Variants in POLB observed in about 807,000 individuals in gnomAD.
The protein encoded by POLB is DNA polymerase beta.
POLB carries 37 observed loss-of-function variants against 52.7 expected under a neutral mutation model. That is an observed-to-expected ratio of 0.70 (90% CI 0.54 to 0.92). The LOEUF (loss-of-function observed/expected upper bound fraction) is 0.92. Among genes scored for constraint, POLB ranks in the 40% least tolerant of loss-of-function variants. The pLI is 0.00. For synonymous variants in POLB, 138 were observed against 131.3 expected, an observed-to-expected ratio of 1.05 and a Z score of -0.35; for missense variants, 313 against 400.8, an observed-to-expected ratio of 0.78 and a Z score of 1.87.
chr8:42,365,289 T>C lies in POLB; in HGVS notation c.708+2591T>C, dbSNP rs146166060. ...AGATAAAAGTAAAGGTTCTAGTCAG[T>C]CTTGGAAATTAAATCTCTGATTTGT... On this transcript the variant is annotated intron_variant, in intron 11 of 13. Coordinates refer to ENST00000265421, the MANE Select transcript of POLB (RefSeq NM_002690.3). Among the ~76,000 whole-genome samples, 55 of 152,266 alleles carry C rather than the reference T, an allele frequency of 3.6e-4. 1 individual carries two copies. The highest frequency in any genetic ancestry group is 1.2e-3 in the African/African-American group (48 of 41,546).
chr8:42,360,611 C>T (rs1244867073), intron 9 of POLB, among the ~76,000 whole-genome samples: 1 of 152,116 alleles, frequency 6.6e-6, no homozygotes, highest in Admixed American at 6.5e-5. Context: ...AATTCCATCT[C>T]AGTGGAGACA....
At chr8:42,351,864 C>T (rs1585886969) in intron 5 of POLB, among the ~76,000 whole-genome samples, 1 of 152,310 alleles carries the variant, frequency 6.6e-6, no homozygotes, top group Middle Eastern at 3.4e-3. Context: ...TGTTCCATAG[C>T]ACCTCATACC....
rs927897032 is a variant in POLB, at chr8:42,338,517, G to A, written c.-108G>A. Reference sequence around the variant, plus strand: ...CCATTGTTCCGCCGGTCGCGCCGGAGCTGGGTTGCTCCTGCTCCCGTCTCC... The same window carrying A: ...CCATTGTTCCGCCGGTCGCGCCGGAACTGGGTTGCTCCTGCTCCCGTCTCC... On this transcript the variant is annotated 5_prime_UTR_variant, in exon 1 of 14. Coordinates refer to ENST00000265421, the MANE Select transcript of POLB (RefSeq NM_002690.3). 4 of 959,350 alleles carry A rather than the reference G, an allele frequency of 4.2e-6. No individual in the cohort carries two copies. Among genetic ancestry groups the A allele is most frequent in the East Asian group, 4.9e-5 (2 of 40,536 alleles). The allele number at this position is 959,350 out of a possible 1,614,324, so 59.4% of individuals were successfully genotyped here. A position where few individuals can be genotyped will look rare whatever the true frequency, so the allele number is the denominator to read the frequency against.
In POLB at chr8:42,369,371, T is replaced by C. The variant is rs2307157; in HGVS notation, c.773+36T>C. The C allele has an allele frequency of 2.6e-4, 329 of 1,268,820 alleles. No individual in the cohort carries two copies. The African/African-American group carries it at 4.2e-3, about 16-fold the overall frequency. 78.6% of individuals were successfully genotyped at this position (1,268,820 alleles called of 1,614,324 possible). On this transcript the variant is annotated intron_variant, in intron 12 of 13. Coordinates refer to ENST00000265421, the MANE Select transcript of POLB (RefSeq NM_002690.3). ...GACTTTGTTGCTGACCTGTTAACTTTTCCAAACTTGTCTCGTTTTCTCCCT... is the reference window on the plus strand; with the variant it reads ...GACTTTGTTGCTGACCTGTTAACTTCTCCAAACTTGTCTCGTTTTCTCCCT...
chr8:42,348,459 T>C (rs773900736), intron 3 of POLB, among the ~76,000 whole-genome samples: 4 of 152,150 alleles, frequency 2.6e-5, no homozygotes, highest in Non-Finnish European at 5.9e-5. Context: ...GAATGTGCAG[T>C]TCCAGAGCAG....
chr8:42,345,773 G>A (rs889417500), intron 3 of POLB, among the ~76,000 whole-genome samples: 2 of 152,150 alleles, frequency 1.3e-5, no homozygotes, highest in African/African-American at 4.8e-5. Context: ...TACTCAACCT[G>A]TAATATCACT....
chr8:42,366,686 G>A (rs1824060396), intron 11 of POLB, among the ~76,000 whole-genome samples: 1 of 152,134 alleles, frequency 6.6e-6, no homozygotes, highest in African/African-American at 2.4e-5. Flanking sequence ...AATAAATTTG[G>A]ATACAGAAGA....
Position 42,352,509 on chromosome 8 carries a change from G to T in POLB, c.321-10G>T. ...CACCCAATGTTGAGATAATGCTTTT[G>T]TTTTTGTAGTCCATCTGCTGCAAGG... On this transcript the variant is annotated splice_polypyrimidine_tract_variant and intron_variant, in intron 5 of 13. Transcript: ENST00000265421. 1 of 1,583,212 alleles carries T rather than the reference G, an allele frequency of 6.3e-7. No individual in the cohort carries two copies. Among genetic ancestry groups the T allele is most frequent in the Non-Finnish European group, 8.7e-7 (1 of 1,151,910 alleles).
intron 9 of POLB, among the ~76,000 whole-genome samples, chr8:42,358,709 A>C (rs1340805837): frequency 1.3e-5 from 2 of 152,198 alleles, no homozygotes; most frequent in Non-Finnish European, 2.9e-5. Context: ...AACTAAATCC[A>C]TACTCACTGA....
chr8:42,343,108 G>T (rs1170171217), intron 2 of POLB, among the ~76,000 whole-genome samples: 1 of 151,622 alleles, frequency 6.6e-6, no homozygotes, highest in African/African-American at 2.4e-5. Context: ...AGATCACGAG[G>T]TCAGGAGATC....
intron 11 of POLB, among the ~76,000 whole-genome samples, chr8:42,364,170 G>A (rs897788251): frequency 1.3e-5 from 2 of 151,954 alleles, no homozygotes; most frequent in African/African-American, 4.8e-5. Flanking sequence ...CAGGTGATCC[G>A]CCTGCCTCAG....
chr8:42,368,409 G>T (rs1384274656), intron 11 of POLB, among the ~76,000 whole-genome samples: 2 of 152,208 alleles, frequency 1.3e-5, no homozygotes, highest in Non-Finnish European at 2.9e-5. Flanking sequence ...GAGTGAAAAA[G>T]TATGGCTTTT....
chr8:42,369,716 A>G, intron 12 of POLB, 133 bp from the exon 13 acceptor site: 1 of 588,382 alleles, frequency 1.7e-6, no homozygotes. Flanking sequence ...ACCTCATGAT[A>G]GTCTTCTCTT....
chr8:42,371,146 G>C (rs1177881634), intron 13 of POLB, among the ~76,000 whole-genome samples: 1 of 152,000 alleles, frequency 6.6e-6, no homozygotes, highest in African/African-American at 2.4e-5. Context: ...TTTTTGAAAT[G>C]GAGTTTCGCT....
Position 42,361,267 on chromosome 8 carries a change from A to G in POLB, c.551-28A>G, listed in dbSNP as rs762177417. On this transcript the variant is annotated intron_variant, in intron 9 of 13. Coordinates refer to ENST00000265421, the MANE Select transcript of POLB (RefSeq NM_002690.3). Reference sequence around the variant, plus strand: ...CCCAATTGATACATTTACATGGACAATCTCATATGTGTCTTCTGTCATCAC... The same window carrying G: ...CCCAATTGATACATTTACATGGACAGTCTCATATGTGTCTTCTGTCATCAC... The G allele has an allele frequency of 1.2e-5, 18 of 1,550,218 alleles. 1 individual carries two copies. Among genetic ancestry groups the G allele is most frequent in the South Asian group, 1.1e-4 (10 of 89,736 alleles).
At chr8:42,358,687 T>C (rs1035346664) in intron 9 of POLB, among the ~76,000 whole-genome samples, 1 of 151,858 alleles carries the variant, frequency 6.6e-6, no homozygotes, top group Non-Finnish European at 1.5e-5. Flanking sequence ...GAATCTAGAG[T>C]TGGAGAGAGA....
chr8:42,344,902 T>A, intron 2 of POLB, 51 bp from the exon 3 acceptor site: 2 of 1,054,388 alleles, frequency 1.9e-6, no homozygotes, highest in South Asian at 2.5e-5. Context: ...TAAGAAAAAT[T>A]AAGGCCTTGA....
chr8:42,347,861 A>C (rs1317517491), intron 3 of POLB, among the ~76,000 whole-genome samples: 1 of 152,204 alleles, frequency 6.6e-6, no homozygotes, highest in Non-Finnish European at 1.5e-5. Context: ...AATATTGATG[A>C]GTGAACCTAG....
rs3136735 is a variant in POLB, at chr8:42,346,550, AT to A, written c.186+1541del. On this transcript the variant is annotated intron_variant, in intron 3 of 13. Transcript: ENST00000265421. ...CAGGCATGCTCCATCACACTCAGATATTTTTTTTTTAATTTATTTCTTTTGT... is the reference window on the plus strand; with the variant it reads ...CAGGCATGCTCCATCACACTCAGATATTTTTTTTTAATTTATTTCTTTTGT... Among the ~76,000 whole-genome samples, 1,128 of 148,646 alleles carry A rather than the reference AT, an allele frequency of 7.6e-3. 18 individuals carry two copies. The highest frequency in any genetic ancestry group is 0.025 in the African/African-American group (1,024 of 40,426).
Sources: gnomAD v4.1 joint callset for allele counts (sites outside exome capture counted in the v4.1 genomes callset) on GRCh38, gnomAD v4.1.1 for gene constraint, MANE v1.5 for transcripts, NCBI Gene and HGNC (gene_info 2026-07-23, HGNC 2026-07-21) for gene names.